The following PRKN variants were observed in gnomAD, a reference collection of about 807,000 sequenced individuals.
The protein encoded by PRKN is E3 ubiquitin-protein ligase parkin.
PRKN carries 56 observed loss-of-function variants against 59.5 expected under a neutral mutation model. That is an observed-to-expected ratio of 0.94 (90% confidence interval 0.76 to 1.18). The LOEUF is 1.18. PRKN is among the 50% of genes most tolerant of loss of function. The pLI is 0.00. For missense variants in PRKN, 657 were observed against 596.4 expected (o/e 1.10, Z -1.06); for synonymous variants, 250 against 222.1 (o/e 1.13, Z -1.12).
intron 2 of PRKN, among the ~76,000 whole-genome samples, chr6:162,263,691 G>A (rs1008084666): frequency 3.1e-4 from 46 of 150,324 alleles, no homozygotes; most frequent in African/African-American, 1.1e-3. Flanking sequence ...CGGTGGCTCA[G>A]GCCTCTAATC....
At chr6:161,755,042 G>C (rs1788857049) in intron 7 of PRKN, among the ~76,000 whole-genome samples, 1 of 152,148 alleles carries the variant, frequency 6.6e-6, no homozygotes, top group African/African-American at 2.4e-5. Flanking sequence ...AGGCAGTATG[G>C]CAAACAAAGT....
At chr6:161,757,933 G>GTGTGTGTATATATATATATATATATA (rs1554301354) in intron 7 of PRKN, among the ~76,000 whole-genome samples, 3 of 101,432 alleles carry the variant, frequency 3.0e-5, no homozygotes, top group African/African-American at 1.1e-4. Flanking sequence ...CTCTCTCTCT[G>GTGTGTGTATATATATATATATATATA]TATATATATG....
Position 162,492,975 on chromosome 6 carries a change from A to G in PRKN, c.8-49502T>C, listed in dbSNP as rs1022158532. ...CTCAAACAAAAAAAAAAAAAAAAAA[A>G]AAGAAGCAGAAGAACATGTCTCATG... is the stretch of plus-strand genomic sequence containing the variant. On this transcript the variant is annotated intron_variant, in intron 1 of 11. Transcript: ENST00000366898. 4.0e-3 allele frequency among the ~76,000 whole-genome samples: 606 copies of G among 151,426 alleles called. 2 individuals are homozygous for G. Among genetic ancestry groups the G allele is most frequent in the African/African-American group, 0.012 (515 of 41,294 alleles).
At chr6:162,387,408 GAAT>G (rs1562722831) in intron 2 of PRKN, among the ~76,000 whole-genome samples, 1 of 151,866 alleles carries the variant, frequency 6.6e-6, no homozygotes, top group African/African-American at 2.4e-5. Flanking sequence ...AGGCTGTTAC[GAAT>G]AATTTTTGTT....
In PRKN at chr6:161,573,757, TATA is replaced by T. The variant is rs1255461616; in HGVS notation, c.872-4344_872-4342del. The stretch of plus-strand genomic sequence containing the variant: ...AAAAAAAAAAAAAAAAAAAAAAAAA[TATA>T]TATATATATATATATATATATATAT... On this transcript the variant is annotated intron_variant, in intron 7 of 11. Coordinates refer to ENST00000366898, the MANE Select transcript of PRKN (RefSeq NM_004562.3). Among the ~76,000 whole-genome samples, 286 of 44,934 alleles carry T rather than the reference TATA, an allele frequency of 6.4e-3. 11 individuals carry two copies. Among genetic ancestry groups the T allele is most frequent in the African/African-American group, 0.024 (236 of 9,782 alleles). The allele number at this position is 44,934 out of a possible 152,430, so 29.5% of individuals were successfully genotyped here.
intron 1 of PRKN, among the ~76,000 whole-genome samples, chr6:162,723,906 C>T (rs1200992580): frequency 1.3e-5 from 2 of 152,110 alleles, no homozygotes; most frequent in South Asian, 2.1e-4. Flanking sequence ...CAAAGAGATG[C>T]TAAGTGAAAC....
At chr6:162,312,069 A>G (rs1488452442) in intron 2 of PRKN, among the ~76,000 whole-genome samples, 1 of 152,068 alleles carries the variant, frequency 6.6e-6, no homozygotes, top group African/African-American at 2.4e-5. Context: ...AGAAGGCGGC[A>G]TGTAAATAAC....
At chr6:162,266,012 A>T (rs1780114619) in intron 2 of PRKN, among the ~76,000 whole-genome samples, 5 of 152,226 alleles carry the variant, frequency 3.3e-5, no homozygotes, top group Admixed American at 3.3e-4. Flanking sequence ...CCTCTAGCCT[A>T]AGTCGTTTCA....
intron 4 of PRKN, among the ~76,000 whole-genome samples, chr6:162,169,312 T>A (rs1783146213): frequency 6.6e-6 from 1 of 152,176 alleles, no homozygotes. Flanking sequence ...TTCAGTTTCT[T>A]CAGATATTTA....
chr6:162,468,532 A>G (rs752965972), intron 1 of PRKN, among the ~76,000 whole-genome samples: 5 of 152,224 alleles, frequency 3.3e-5, no homozygotes, highest in African/African-American at 9.7e-5. Context: ...ACATTTCACC[A>G]AGGCATTTGG....
intron 1 of PRKN, 107 bp from the exon 2 acceptor site, chr6:162,443,580 G>A: frequency 1.0e-6 from 1 of 983,098 alleles, no homozygotes; most frequent in African/African-American, 1.6e-5. Flanking sequence ...GCCCTTCAGT[G>A]AATGGTATAT....
rs11378794 is a variant in PRKN at position 162,511,442 on chromosome 6, C to CAA, written c.8-67971_8-67970dup. On this transcript the variant is annotated intron_variant, in intron 1 of 11. Transcript: ENST00000366898. Reference sequence around the variant, plus strand: ...CATGTACACAGAACTGTACAGAATACAAAAAAAAATGTCTACAGTGTTTTC... The same window carrying CAA: ...CATGTACACAGAACTGTACAGAATACAAAAAAAAAAATGTCTACAGTGTTTTC... 3.7e-4 allele frequency among the ~76,000 whole-genome samples: 56 copies of CAA among 150,808 alleles called. No individual in the cohort carries two copies. The East Asian group carries it at 4.5e-3, about 12-fold the overall frequency.
At chr6:161,913,089 G>T (rs546289229) in intron 6 of PRKN, among the ~76,000 whole-genome samples, 1 of 149,138 alleles carries the variant, frequency 6.7e-6, no homozygotes, top group East Asian at 2.0e-4. Flanking sequence ...CAGGAGAATT[G>T]CCCAGAGGCG....
intron 2 of PRKN, among the ~76,000 whole-genome samples, chr6:162,341,518 C>T (rs768611393): frequency 6.6e-6 from 1 of 152,096 alleles, no homozygotes; most frequent in Non-Finnish European, 1.5e-5. Context: ...AAATGGCCAT[C>T]AATGATAGAC....
At chr6:161,666,438 C>T (rs181312379) in intron 7 of PRKN, among the ~76,000 whole-genome samples, 4 of 152,298 alleles carry the variant, frequency 2.6e-5, no homozygotes, top group Admixed American at 2.6e-4. Context: ...CCACTCCACT[C>T]ACCCTGTTTG....
intron 5 of PRKN, among the ~76,000 whole-genome samples, chr6:162,049,533 GA>G (rs1379494060): frequency 2.0e-5 from 3 of 152,026 alleles, no homozygotes; most frequent in Non-Finnish European, 4.4e-5. Flanking sequence ...AAATACAGAA[GA>G]AAAAATATAG....
chr6:162,201,349 C>T, intron 3 of PRKN, 97 bp from the exon 4 acceptor site: 1 of 1,104,852 alleles, frequency 9.1e-7, no homozygotes, highest in Non-Finnish European at 1.4e-6. Flanking sequence ...TTTTAAAACT[C>T]AGTCTTCAGG....
chr6:162,005,782 A>C (rs973510788), intron 5 of PRKN, among the ~76,000 whole-genome samples: 2 of 151,922 alleles, frequency 1.3e-5, no homozygotes, highest in Admixed American at 1.3e-4. Flanking sequence ...TTTTGGGGGG[A>C]AAAAAGTTAA....
At chr6:161,967,754 T>A (rs920713217) in intron 6 of PRKN, among the ~76,000 whole-genome samples, 1 of 152,156 alleles carries the variant, frequency 6.6e-6, no homozygotes, top group Non-Finnish European at 1.5e-5. Context: ...GGCTGCTTTT[T>A]CCCTAAGAGG....
Sources: allele counts gnomAD v4.1 joint callset (sites outside exome capture counted in the v4.1 genomes callset), GRCh38; gene constraint gnomAD v4.1.1; transcripts MANE v1.5; gene names NCBI Gene and HGNC (gene_info 2026-07-23, HGNC 2026-07-21).